Variants in ERBB4 observed in about 807,000 individuals in gnomAD.
ERBB4 encodes erb-b2 receptor tyrosine kinase 4, also known as receptor tyrosine-protein kinase erbB-4.
ERBB4 carries 42 observed loss-of-function variants against 158.0 expected under a neutral mutation model. That is an observed-to-expected ratio of 0.27 (90% CI 0.21 to 0.34). The LOEUF (loss-of-function observed/expected upper bound fraction) is 0.34, where lower values mean the gene tolerates loss of function less well. Ranked by LOEUF, ERBB4 falls within the 10% of genes least tolerant of loss-of-function variation. The pLI is 1.00. For missense variants in ERBB4, 1,333 were observed against 1,624.1 expected (o/e 0.82, Z 3.08); for synonymous variants, 583 against 558.7 (o/e 1.04, Z -0.61).
intron 14 of ERBB4, among the ~76,000 whole-genome samples, chr2:211,672,222 A>G (rs948019220): frequency 1.3e-5 from 2 of 152,194 alleles, no homozygotes; most frequent in Non-Finnish European, 2.9e-5. Context: ...TAAATTTTCA[A>G]TGAAATTGTA....
chr2:211,422,007 C>T lies in ERBB4; in HGVS notation c.2964G>A (p.Gln988=), dbSNP rs78668383. Residue 988 remains glutamine (Q), a splice_region_variant and synonymous_variant, in exon 24 of 28, where the codon CAG becomes CAA. Transcript: ENST00000342788. The stretch of plus-strand genomic sequence containing the variant: ...AAAGGCATAAGTCAAATGTACTCAC[C>T]TGAATAACTAGGTATCTTTGAGGGT... ...ARDPQRYLVI[Q]GDDRMKLPSP... is the part of the protein sequence containing the mutation. 5.0e-5 allele frequency: 79 copies of T among 1,595,766 alleles called. No homozygotes were observed. The East Asian group carries it at 1.6e-3, about 33-fold the overall frequency.
At chr2:212,149,275 C>T (rs190954303) in intron 1 of ERBB4, among the ~76,000 whole-genome samples, 5 of 152,086 alleles carry the variant, frequency 3.3e-5, no homozygotes, top group African/African-American at 4.8e-5. Context: ...TTATAAGCCT[C>T]CAATTGCTGC....
chr2:212,373,973 CAT>C lies in ERBB4; in HGVS notation c.82+164474_82+164475del, dbSNP rs1162441612. ...TATCATATATATATCCATATATATC[CAT>C]ATATATATATCCATATATATCCATA... On this transcript the variant is annotated intron_variant, in intron 1 of 27. Coordinates refer to ENST00000342788, the MANE Select transcript of ERBB4 (RefSeq NM_005235.3). 2.7e-3 allele frequency among the ~76,000 whole-genome samples: 237 copies of C among 88,676 alleles called. 15 individuals carry two copies. Among genetic ancestry groups the C allele is most frequent in the African/African-American group, 9.5e-3 (211 of 22,124 alleles). The allele number at this position is 88,676 out of a possible 152,430, so 58.2% of individuals were successfully genotyped here. A position where few individuals can be genotyped will look rare whatever the true frequency, so the allele number is the denominator to read the frequency against.
intron 1 of ERBB4, among the ~76,000 whole-genome samples, chr2:212,181,811 AGAGT>A (rs1426350104): frequency 6.6e-6 from 1 of 151,818 alleles, no homozygotes; most frequent in Non-Finnish European, 1.5e-5. Context: ...CAAGTTCCTA[AGAGT>A]GAGGCAACAC....
At chr2:212,499,003 T>G (rs539764510) in intron 1 of ERBB4, among the ~76,000 whole-genome samples, 1 of 151,982 alleles carries the variant, frequency 6.6e-6, no homozygotes. Flanking sequence ...CAACAATATT[T>G]TATTTAAAGA....
chr2:212,464,499 C>T (rs934327947), intron 1 of ERBB4, among the ~76,000 whole-genome samples: 12 of 152,040 alleles, frequency 7.9e-5, no homozygotes, highest in Non-Finnish European at 1.5e-4. Context: ...GACATTTTAA[C>T]ATGGGAGTGC....
At chr2:212,529,647 A>T (rs961335493) in intron 1 of ERBB4, among the ~76,000 whole-genome samples, 1 of 152,170 alleles carries the variant, frequency 6.6e-6, no homozygotes, top group African/African-American at 2.4e-5. Flanking sequence ...TGTAAAAAAA[A>T]TTTTTAAAGA....
chr2:211,398,832 GAAACA>G (rs564796286), intron 25 of ERBB4, among the ~76,000 whole-genome samples: 97 of 152,232 alleles, frequency 6.4e-4, no homozygotes, highest in African/African-American at 2.0e-3. Context: ...CTCTGGCTCA[GAAACA>G]AAACAAAACA....
chr2:211,570,782 T>C (rs1262639182), intron 19 of ERBB4, among the ~76,000 whole-genome samples: 1 of 152,152 alleles, frequency 6.6e-6, no homozygotes, highest in African/African-American at 2.4e-5. Context: ...CCTTTAGCTA[T>C]TTCTTCATGT....
chr2:211,528,803 A>G (rs1025666375), intron 20 of ERBB4, among the ~76,000 whole-genome samples: 5 of 152,018 alleles, frequency 3.3e-5, no homozygotes, highest in Non-Finnish European at 1.5e-5. Context: ...AGTTTCTTGA[A>G]AAAAATGATA....
intron 2 of ERBB4, among the ~76,000 whole-genome samples, chr2:212,120,174 G>A (rs915332092): frequency 3.3e-5 from 5 of 152,148 alleles, no homozygotes; most frequent in Non-Finnish European, 7.4e-5. Flanking sequence ...GTTTCAGTGT[G>A]TTGGCTTTGT....
intron 19 of ERBB4, among the ~76,000 whole-genome samples, chr2:211,568,393 G>A (rs887717246): frequency 6.6e-6 from 1 of 152,034 alleles, no homozygotes; most frequent in Non-Finnish European, 1.5e-5. Context: ...AGACATTTTT[G>A]TACAATAATA....
chr2:211,647,993 G>A (rs1267871230), intron 16 of ERBB4, among the ~76,000 whole-genome samples: 2 of 151,642 alleles, frequency 1.3e-5, no homozygotes, highest in Non-Finnish European at 3.0e-5. Flanking sequence ...TCTAAGGCTT[G>A]TGCAGTTTTC....
intron 19 of ERBB4, among the ~76,000 whole-genome samples, chr2:211,591,333 G>T (rs76405758): frequency 2.6e-5 from 4 of 152,118 alleles, no homozygotes; most frequent in African/African-American, 4.8e-5. Context: ...ACACATGAGG[G>T]TCTTAATTTT....
At chr2:211,856,398 T>TTATTTATTTATTTATTTATTTATC (rs1553646934) in intron 3 of ERBB4, among the ~76,000 whole-genome samples, 9 of 145,126 alleles carry the variant, frequency 6.2e-5, no homozygotes, top group South Asian at 4.4e-4. Flanking sequence ...ATTTATTTAT[T>TTATTTATTTATTTATTTATTTATC]TATCTGAGAT....
In ERBB4 at chr2:211,382,323, T is replaced by G. The variant is rs1217380256; in HGVS notation, c.*1292A>C. On this transcript the variant is annotated 3_prime_UTR_variant, in exon 28 of 28. Coordinates refer to ENST00000342788, the MANE Select transcript of ERBB4 (RefSeq NM_005235.3). ...TTCCTTGCGTAGCAAAGGTGACATA[T>G]GAAGATAATGTGCTGGCCTCTCATC... 2 of 232,432 alleles carry G rather than the reference T, an allele frequency of 8.6e-6. No individual in the cohort carries two copies. The highest frequency in any genetic ancestry group is 4.4e-5 in the African/African-American group (2 of 45,318). The allele number at this position is 232,432 out of a possible 1,614,324, so 14.4% of individuals were successfully genotyped here. A position where few individuals can be genotyped will look rare whatever the true frequency, so the allele number is the denominator to read the frequency against.
intron 7 of ERBB4, among the ~76,000 whole-genome samples, chr2:211,721,452 A>AAAAAAAAAAAAAAAAT (rs1332941722): frequency 6.7e-6 from 1 of 148,470 alleles, no homozygotes; most frequent in Non-Finnish European, 1.5e-5. Context: ...GCAAAAAAAA[A>AAAAAAAAAAAAAAAAT]AAAAAAAAAA....
At chr2:211,712,235 A>T in intron 8 of ERBB4, 59 bp from the exon 9 acceptor site, 1 of 1,503,810 alleles carries the variant, frequency 6.6e-7, no homozygotes, top group Non-Finnish European at 9.3e-7. Context: ...CCAATAAATC[A>T]TTGCATCTTC....
chr2:212,243,505 C>T (rs1238200307), intron 1 of ERBB4, among the ~76,000 whole-genome samples: 6 of 152,134 alleles, frequency 3.9e-5, no homozygotes, highest in Non-Finnish European at 7.3e-5. Context: ...ACTGCAGCAT[C>T]ACTGCACAAA....
Sources: gnomAD v4.1 joint callset for allele counts (sites outside exome capture counted in the v4.1 genomes callset) on GRCh38, gnomAD v4.1.1 for gene constraint, MANE v1.5 for transcripts, NCBI Gene and HGNC (gene_info 2026-07-23, HGNC 2026-07-21) for gene names.